Variants in VTA1 observed in about 807,000 individuals in gnomAD.
VTA1 encodes vesicle trafficking 1.
VTA1 carries 24 observed loss-of-function variants against 36.9 expected under a neutral mutation model. The ratio of observed to expected loss-of-function variants is 0.65; its 90% CI spans 0.47 to 0.91. The LOEUF is 0.91. Ranked by LOEUF, VTA1 falls within the 40% of genes least tolerant of loss-of-function variation. The pLI, the probability that VTA1 is intolerant of heterozygous loss-of-function variation, is 0.00. For synonymous variants in VTA1, 142 were observed against 130.2 expected (o/e 1.09, Z -0.62); for missense variants, 393 against 377.2 (o/e 1.04, Z -0.35).
intron 7 of VTA1, among the ~76,000 whole-genome samples, chr6:142,214,031 A>C (rs779249180): frequency 2.6e-5 from 4 of 152,234 alleles, no homozygotes; most frequent in Non-Finnish European, 5.9e-5. Flanking sequence ...TCAGGCTGCA[A>C]ATTTTCCATA....
In VTA1 at chr6:142,186,787, A is replaced by G. The variant is rs543387849; in HGVS notation, c.412-2639A>G. ...AAATTTAAGAATAATAAATTTATCA[A>G]TAGTATTTAAAGCTATGGGAAGGCA... On this transcript the variant is annotated intron_variant, in intron 4 of 7. Coordinates refer to ENST00000367630, the MANE Select transcript of VTA1 (RefSeq NM_016485.5). Among the ~76,000 whole-genome samples, 5 of 152,264 alleles carry G rather than the reference A, an allele frequency of 3.3e-5. No homozygotes were observed. In the East Asian group the frequency reaches 9.7e-4, roughly 29 times the overall value.
rs1179128147 is a variant in VTA1 at position 142,170,332 on chromosome 6, C to T, written c.336-14C>T. 1.9e-6 allele frequency: 3 copies of T among 1,590,856 alleles called. No homozygotes were observed. The African/African-American group carries it at 4.0e-5, about 21-fold the overall frequency. ...TTTCATATTTAAACTAGACCGCTCT[C>T]TTTTCTCTTCCAGAAACATGATCAA... On this transcript the variant is annotated splice_polypyrimidine_tract_variant and intron_variant, in intron 3 of 7. Transcript: ENST00000367630.
At chr6:142,148,480 T>G (rs1247557135) in intron 1 of VTA1, among the ~76,000 whole-genome samples, 1 of 152,200 alleles carries the variant, frequency 6.6e-6, no homozygotes, top group African/African-American at 2.4e-5. Context: ...AGCATCATTT[T>G]TATTATACTT....
At chr6:142,182,265 C>A (rs1028620410) in intron 4 of VTA1, among the ~76,000 whole-genome samples, 1 of 152,130 alleles carries the variant, frequency 6.6e-6, no homozygotes, top group African/African-American at 2.4e-5. Context: ...GCTACCTATT[C>A]TTGTTCAAGA....
Position 142,218,479 on chromosome 6 carries a change from A to G in VTA1, c.779-19A>G, listed in dbSNP as rs536872486. The stretch of plus-strand genomic sequence containing the variant: ...TTTTTATATTCTTATAAATATCCCA[A>G]TTGTTCTTTTTCTTCTAGGGGATGT... On this transcript the variant is annotated intron_variant, in intron 7 of 7. Coordinates refer to ENST00000367630, the MANE Select transcript of VTA1 (RefSeq NM_016485.5). 2.9e-4 allele frequency: 464 copies of G among 1,610,646 alleles called. 8 individuals carry two copies. In the South Asian group the frequency reaches 4.4e-3, roughly 15 times the overall value.
intron 5 of VTA1, 23 bp from the exon 6 acceptor site, chr6:142,198,416 A>G: frequency 6.2e-7 from 1 of 1,602,448 alleles, no homozygotes; most frequent in Non-Finnish European, 8.5e-7. Flanking sequence ...CTACTGTAAC[A>G]TTGTGTATAT....
intron 7 of VTA1, among the ~76,000 whole-genome samples, chr6:142,213,188 A>G (rs1366237252): frequency 6.6e-6 from 1 of 152,142 alleles, no homozygotes; most frequent in African/African-American, 2.4e-5. Context: ...AATGGGAGAA[A>G]TTGGCCAAAA....
Position 142,219,346 on chromosome 6 carries a change from G to C in VTA1, c.*703G>C, listed in dbSNP as rs1036240801. On this transcript the variant is annotated 3_prime_UTR_variant, in exon 8 of 8. Coordinates refer to ENST00000367630, the MANE Select transcript of VTA1 (RefSeq NM_016485.5). ...TTGGTATTTGCTTCATAGGCAGTTT[G>C]ACTGCATGTATTAGAGAATGAAAAG... The C allele has an allele frequency of 1.3e-5, 2 of 152,184 alleles. No individual in the cohort carries two copies. The highest frequency in any genetic ancestry group is 4.8e-5 in the African/African-American group (2 of 41,448). The allele number at this position is 152,184 out of a possible 1,614,324, so 9.4% of individuals were successfully genotyped here.
intron 7 of VTA1, among the ~76,000 whole-genome samples, chr6:142,206,876 A>T (rs1310107238): frequency 3.3e-5 from 5 of 152,206 alleles, no homozygotes; most frequent in Non-Finnish European, 7.4e-5. Context: ...CTGGCGTAAC[A>T]GGACAGCCAC....
chr6:142,165,986 T>C (rs2114641313), intron 1 of VTA1, among the ~76,000 whole-genome samples: 1 of 152,024 alleles, frequency 6.6e-6, no homozygotes, highest in Middle Eastern at 3.4e-3. Flanking sequence ...TCCTCTTTTT[T>C]TTTTTTTTTA....
At chr6:142,191,247 G>T (rs1775449729) in intron 5 of VTA1, among the ~76,000 whole-genome samples, 1 of 151,984 alleles carries the variant, frequency 6.6e-6, no homozygotes, top group South Asian at 2.1e-4. Context: ...AATGCACCCT[G>T]GAAATTTTTT....
chr6:142,207,167 TC>T (rs1486739222), intron 7 of VTA1, among the ~76,000 whole-genome samples: 1 of 151,968 alleles, frequency 6.6e-6, no homozygotes, highest in Non-Finnish European at 1.5e-5. Context: ...GAATCAGACT[TC>T]CACTTTCATG....
intron 7 of VTA1, among the ~76,000 whole-genome samples, chr6:142,207,200 G>T (rs961836536): frequency 6.6e-6 from 1 of 151,978 alleles, no homozygotes; most frequent in Non-Finnish European, 1.5e-5. Flanking sequence ...CTACCCTTAT[G>T]CCCACACAGA....
At chr6:142,193,375 T>G (rs1775489210) in intron 5 of VTA1, among the ~76,000 whole-genome samples, 1 of 152,160 alleles carries the variant, frequency 6.6e-6, no homozygotes, top group African/African-American at 2.4e-5. Flanking sequence ...TATTTTTCCC[T>G]TTGCTATTAA....
chr6:142,171,757 A>G (rs190745477), intron 4 of VTA1, among the ~76,000 whole-genome samples: 14 of 152,260 alleles, frequency 9.2e-5, no homozygotes, highest in Non-Finnish European at 1.8e-4. Context: ...AGTGATTTGA[A>G]CACTATGGGC....
chr6:142,190,494 A>G (rs188108459), intron 5 of VTA1, among the ~76,000 whole-genome samples: 1 of 152,330 alleles, frequency 6.6e-6, no homozygotes, highest in East Asian at 1.9e-4. Flanking sequence ...GCGTTTTACA[A>G]ATTTTAATCA....
chr6:142,203,481 A>T (rs2114678328), intron 6 of VTA1, among the ~76,000 whole-genome samples: 1 of 152,212 alleles, frequency 6.6e-6, no homozygotes, highest in South Asian at 2.1e-4. Flanking sequence ...TTATTCATTG[A>T]TATGACAGTT....
intron 5 of VTA1, among the ~76,000 whole-genome samples, chr6:142,198,117 ATATGTGTGTGTGTGTGTGTGTG>A (rs1775598935): frequency 2.5e-5 from 2 of 78,630 alleles, no homozygotes; most frequent in African/African-American, 8.0e-5. Context: ...ATATATATAT[ATATGTGTGTGTGTGTGTGTGTG>A]TGTGTGTGTG....
rs1775409579 is a variant in VTA1, at chr6:142,189,468, A to G, written c.454A>G (p.Ile152Val). 6.2e-7 allele frequency: 1 copy of G among 1,614,064 alleles called. No individual in the cohort carries two copies. Among genetic ancestry groups the G allele is most frequent in the African/African-American group, 1.3e-5 (1 of 75,048 alleles). ...RKYARWKATYIHNCLKNGETP... is the reference protein window; with the variant it reads ...RKYARWKATYVHNCLKNGETP... ...GTATGCCAGATGGAAGGCAACATAC[A>G]TCCATAATTGTTTAAAGAATGGGGA... The change falls in exon 5 of 8, where the codon ATC becomes GTC. Residue 152 changes from isoleucine to valine, a missense_variant. Transcript: ENST00000367630.
Sources: gnomAD v4.1 joint callset for allele counts (sites outside exome capture counted in the v4.1 genomes callset) on GRCh38, gnomAD v4.1.1 for gene constraint, MANE v1.5 for transcripts, NCBI Gene and HGNC (gene_info 2026-07-23, HGNC 2026-07-21) for gene names.